PPL: variants seen among roughly 807,000 people sequenced by gnomAD.
The protein encoded by PPL is 190 kDa paraneoplastic pemphigus antigen.
Under a neutral mutation model 194.4 loss-of-function variants are expected in PPL, and 198 were observed. The ratio of observed to expected loss-of-function variants is 1.02; its 90% confidence interval spans 0.91 to 1.15. PPL has a LOEUF of 1.15. PPL is among the 50% of genes most tolerant of loss of function. The pLI is 0.00. For synonymous variants in PPL, 1,220 were observed against 972.4 expected (o/e 1.25, Z -4.74); for missense variants, 2,885 against 2,294.8 (o/e 1.26, Z -5.25).
At chr16:4,914,138 TAGAG>T (rs886713199) in intron 1 of PPL, among the ~76,000 whole-genome samples, 1 of 152,036 alleles carries the variant, frequency 6.6e-6, no homozygotes, top group African/African-American at 2.4e-5. Context: ...GGACACGCCA[TAGAG>T]AGAGGCAGGT....
In PPL at chr16:4,894,545, G is replaced by A. The variant is rs1195599551; in HGVS notation, c.1316C>T (p.Ala439Val). 3 of 1,613,780 alleles carry A rather than the reference G, an allele frequency of 1.9e-6. No individual in the cohort carries two copies. The highest frequency in any genetic ancestry group is 2.2e-5 in the South Asian group (2 of 91,086). Residue 439 changes from alanine (A) to valine (V), a missense_variant, in exon 12 of 22, where the codon GCT becomes GTT. By Grantham distance (64) the Ala-to-Val change is moderately conservative (BLOSUM62 0). Transcript: ENST00000345988. ...GGCCGGAGCAATCAGCTTGTTCCCA[G>A]CGCTGTCCATGAGCTCCCAGCTCTC... Reference protein sequence around the residue: ...NGESWELMDSAGNKLIAPAVC... With the variant: ...NGESWELMDSVGNKLIAPAVC...
chr16:4,895,811 G>T, intron 9 of PPL, 95 bp from the exon 10 acceptor site: 2 of 1,554,190 alleles, frequency 1.3e-6, no homozygotes, highest in South Asian at 2.3e-5. Context: ...GGCGGGGCTG[G>T]GCCTCCGGTT....
chr16:4,917,427 T>C (rs1017164106), intron 1 of PPL, among the ~76,000 whole-genome samples: 4 of 152,106 alleles, frequency 2.6e-5, no homozygotes, highest in African/African-American at 9.7e-5. Flanking sequence ...TATTATTCCA[T>C]TGATAAGAAA....
chr16:4,914,867 C>A (rs1016031191), intron 1 of PPL, among the ~76,000 whole-genome samples: 2 of 152,122 alleles, frequency 1.3e-5, no homozygotes, highest in South Asian at 4.1e-4. Context: ...ATTCCCTAAC[C>A]CCCCACTTCC....
chr16:4,920,365 A>AAGAC (rs2089023940), intron 1 of PPL, among the ~76,000 whole-genome samples: 1 of 72,668 alleles, frequency 1.4e-5, no homozygotes, highest in Non-Finnish European at 4.6e-5. Flanking sequence ...GAAAGAAAGA[A>AAGAC]AGAAAGGACA....
At chr16:4,918,016 G>A (rs2088960582) in intron 1 of PPL, among the ~76,000 whole-genome samples, 1 of 151,888 alleles carries the variant, frequency 6.6e-6, no homozygotes, top group African/African-American at 2.4e-5. Flanking sequence ...AAGGCAGCTG[G>A]GCATGGTGGT....
chr16:4,907,040 T>C (rs192641835), intron 2 of PPL, among the ~76,000 whole-genome samples: 13 of 138,022 alleles, frequency 9.4e-5, no homozygotes, highest in African/African-American at 3.3e-4. Context: ...AGCTCAGGAG[T>C]TGGAGACCAG....
Position 4,885,868 on chromosome 16 carries a change from C to T in PPL, c.2787G>A (p.Gln929=), listed in dbSNP as rs750167717. ...GCACCTCCTTCCTCACCACCGATTC[C>T]TGAGGCCCCTGATTCCTCAAGGTCC... ...EIWTLRNQGP[Q]ESVVRKEVLK... Residue 929 remains glutamine, a synonymous_variant, in exon 22 of 22, where the codon CAG becomes CAA. Coordinates refer to ENST00000345988, the MANE Select transcript of PPL (RefSeq NM_002705.5). The surrounding 1 kb of genome is among the most constrained non-coding windows in gnomAD (Gnocchi z 6.3). The T allele has an allele frequency of 2.5e-6, 4 of 1,608,792 alleles. No individual in the cohort carries two copies. The South Asian group carries it at 4.4e-5, about 18-fold the overall frequency.
intron 10 of PPL, 53 bp downstream of exon 10, chr16:4,895,541 G>A: frequency 1.2e-6 from 2 of 1,612,022 alleles, no homozygotes; most frequent in Non-Finnish European, 1.7e-6. Flanking sequence ...CAGGCATGGT[G>A]TAGAGGGGTC....
intron 1 of PPL, among the ~76,000 whole-genome samples, chr16:4,931,737 C>T (rs1555525065): frequency 6.6e-6 from 1 of 152,182 alleles, no homozygotes; most frequent in Non-Finnish European, 1.5e-5. Context: ...CTTCCAGGGC[C>T]TCCCCCAACC....
intron 1 of PPL, among the ~76,000 whole-genome samples, chr16:4,928,818 C>G (rs2089191670): frequency 6.6e-6 from 1 of 151,990 alleles, no homozygotes; most frequent in Non-Finnish European, 1.5e-5. Flanking sequence ...TGCGACCAGC[C>G]TGGCCAACAT....
Position 4,916,251 on chromosome 16 carries a change from T to G in PPL, c.63-5302A>C, listed in dbSNP as rs369525508. On this transcript the variant is annotated intron_variant, in intron 1 of 21. Coordinates refer to ENST00000345988, the MANE Select transcript of PPL (RefSeq NM_002705.5). The stretch of plus-strand genomic sequence containing the variant: ...TTTTTGAGACAGGGTCTCACCCTGT[T>G]GCCCAGGCTGGAGTGCACTGGCATG... Among the ~76,000 whole-genome samples the G allele has an allele frequency of 2.0e-5, 3 of 152,272 alleles. No homozygotes were observed. In the East Asian group the frequency reaches 5.8e-4, roughly 29 times the overall value.
At chr16:4,887,324 T>G in intron 20 of PPL, 97 bp from the exon 21 acceptor site, 1 of 934,686 alleles carries the variant, frequency 1.1e-6, no homozygotes, top group Non-Finnish European at 1.7e-6. Flanking sequence ...TTGAGAAGTG[T>G]GGAATTTGGG....
chr16:4,895,449 C>T, intron 10 of PPL, 42 bp from the exon 11 acceptor site: 1 of 1,607,912 alleles, frequency 6.2e-7, no homozygotes. Flanking sequence ...GACCAACAGC[C>T]TTCCCCCTGG....
chr16:4,894,694 C>T (rs1205571318), intron 11 of PPL, 76 bp from the exon 12 acceptor site: 27 of 1,543,856 alleles, frequency 1.7e-5, no homozygotes, highest in Non-Finnish European at 2.3e-5. Context: ...ATCTCAGCCC[C>T]CGACTCTTGG....
At chr16:4,900,328 G>A (rs1177161862) in intron 6 of PPL, among the ~76,000 whole-genome samples, 3 of 151,716 alleles carry the variant, frequency 2.0e-5, no homozygotes, top group South Asian at 2.1e-4. Context: ...GCCTGTTAGG[G>A]TTTTCCCTGA....
chr16:4,934,600 C>T (rs1263695424), intron 1 of PPL, among the ~76,000 whole-genome samples: 1 of 152,020 alleles, frequency 6.6e-6, no homozygotes, highest in Non-Finnish European at 1.5e-5. Context: ...GCTCCTACTG[C>T]CCCCCATGCT....
Position 4,885,052 on chromosome 16 carries a change from C to T in PPL, c.3603G>A (p.Lys1201=), listed in dbSNP as rs761206118. The T allele has an allele frequency of 3.7e-6, 6 of 1,613,568 alleles. No homozygotes were observed. The highest frequency in any genetic ancestry group is 5.1e-6 in the Non-Finnish European group (6 of 1,180,044). The change falls in exon 22 of 22, where the codon AAG becomes AAA. Residue 1201 remains lysine (K), a synonymous_variant. Coordinates refer to ENST00000345988, the MANE Select transcript of PPL (RefSeq NM_002705.5). The surrounding 1 kb of genome is among the most constrained non-coding windows in gnomAD (Gnocchi z 6.3). ...LRLELVEQER[K]YRGAEEQLRS... ...GGAGCTGCTCCTCGGCACCCCGGTA[C>T]TTTCGCTCCTGCTCCACAAGCTCCA...
rs1442783436 is a variant in PPL at position 4,889,241 on chromosome 16, G to GGTTTTTTTTTTTTT, written c.2314-181_2314-180insAAAAAAAAAAAAAC. ...AAAAGGCAGTTTTTTTGTTGTTGTT[G>GGTTTTTTTTTTTTT]TTTTTTTTTTTTTTTTTTTTTTTTT... On this transcript the variant is annotated intron_variant, in intron 18 of 21. Transcript: ENST00000345988. 2.4e-3 allele frequency among the ~76,000 whole-genome samples: 158 copies of GGTTTTTTTTTTTTT among 66,644 alleles called. 25 individuals are homozygous for GGTTTTTTTTTTTTT. The highest frequency in any genetic ancestry group is 0.011 in the Middle Eastern group (1 of 90). 43.7% of individuals were successfully genotyped at this position (66,644 alleles called of 152,430 possible). A position where few individuals can be genotyped will look rare whatever the true frequency, so the allele number is the denominator to read the frequency against.
Sources: gnomAD v4.1 joint callset for allele counts (sites outside exome capture counted in the v4.1 genomes callset) on GRCh38, gnomAD v4.1.1 for gene constraint, Gnocchi (gnomAD v3.1) non-coding constraint, MANE v1.5 for transcripts, NCBI Gene and HGNC (gene_info 2026-07-23, HGNC 2026-07-21) for gene names.